Variants in VIRMA observed in about 807,000 individuals in gnomAD.
The protein encoded by VIRMA is protein virilizer homolog.
A neutral mutation model predicts 182.4 loss-of-function variants in VIRMA; 65 were observed. The ratio of observed to expected loss-of-function variants is 0.36; its 90% CI spans 0.29 to 0.44. The LOEUF (loss-of-function observed/expected upper bound fraction) is 0.44, where lower values mean the gene tolerates loss of function less well. VIRMA is among the 20% of genes least tolerant of loss of function. The pLI is 1.00. For synonymous variants in VIRMA, 709 were observed against 743.1 expected (o/e 0.95, Z 0.75); for missense variants, 1,752 against 2,158.1 (o/e 0.81, Z 3.73).
At chr8:94,552,733 C>T (rs1816040481) in intron 1 of VIRMA, among the ~76,000 whole-genome samples, 1 of 152,146 alleles carries the variant, frequency 6.6e-6, no homozygotes, top group Admixed American at 6.5e-5. Flanking sequence ...CCACAACATT[C>T]CACCTCCAAC....
chr8:94,508,571 G>A (rs546826111), intron 15 of VIRMA, among the ~76,000 whole-genome samples: 33 of 151,978 alleles, frequency 2.2e-4, no homozygotes, highest in African/African-American at 8.0e-4. Context: ...ATGCCACAGC[G>A]CTATTCAATG....
At chr8:94,553,003 C>G (rs979826141) in intron 1 of VIRMA, among the ~76,000 whole-genome samples, 3 of 152,160 alleles carry the variant, frequency 2.0e-5, no homozygotes, top group South Asian at 2.1e-4. Context: ...ACGAAGCCAA[C>G]GTAAACTGCT....
chr8:94,497,055 A>G (rs1234918784), intron 17 of VIRMA: 1 of 152,280 alleles, frequency 6.6e-6, no homozygotes, highest in Non-Finnish European at 1.5e-5. Flanking sequence ...CACTTATGGT[A>G]GAGGGCCGTA....
intron 1 of VIRMA, among the ~76,000 whole-genome samples, chr8:94,552,542 A>G (rs1364197733): frequency 6.6e-6 from 1 of 152,230 alleles, no homozygotes; most frequent in Non-Finnish European, 1.5e-5. Context: ...TTAAGCTTAC[A>G]TTAAGACAGA....
chr8:94,510,191 G>A (rs1174450342), intron 14 of VIRMA, among the ~76,000 whole-genome samples: 3 of 152,058 alleles, frequency 2.0e-5, no homozygotes, highest in Non-Finnish European at 4.4e-5. Context: ...CCCAAATCAA[G>A]ACCTTCAAGA....
chr8:94,491,927 T>C lies in VIRMA; in HGVS notation c.4809-18A>G. 1 of 1,492,632 alleles carries C rather than the reference T, an allele frequency of 6.7e-7. No individual in the cohort carries two copies. Among genetic ancestry groups the C allele is most frequent in the Non-Finnish European group, 9.0e-7 (1 of 1,114,094 alleles). The allele number at this position is 1,492,632 out of a possible 1,614,324, so 92.5% of individuals were successfully genotyped here. A position where few individuals can be genotyped will look rare whatever the true frequency, so the allele number is the denominator to read the frequency against. On this transcript the variant is annotated intron_variant, in intron 21 of 23. Coordinates refer to ENST00000297591, the MANE Select transcript of VIRMA (RefSeq NM_015496.5). The stretch of plus-strand genomic sequence containing the variant: ...ATTTTCCACTATTAAAACAAAAACA[T>C]GCCATAAAACATTTTTCTTTCAGGT...
At chr8:94,514,326 T>C (rs754604004) in intron 11 of VIRMA, among the ~76,000 whole-genome samples, 8 of 152,232 alleles carry the variant, frequency 5.3e-5, no homozygotes, top group East Asian at 1.9e-4. Flanking sequence ...TTTTTCATTA[T>C]GAATTATTTA....
Position 94,538,301 on chromosome 8 carries a change from A to C in VIRMA, c.225T>G (p.Asn75Lys). The C allele has an allele frequency of 6.2e-7, 1 of 1,613,532 alleles. No individual in the cohort carries two copies. Among genetic ancestry groups the C allele is most frequent in the Non-Finnish European group, 8.5e-7 (1 of 1,179,540 alleles). The change falls in exon 3 of 24, where the codon AAT becomes AAG. Residue 75 changes from asparagine to lysine, a missense_variant. Physicochemically the swap from Asn to Lys is moderately conservative, Grantham distance 94 (BLOSUM62 0). This residue lies in a region of VIRMA where 195 missense variants were observed against 191.7 expected (regional missense o/e 1.02). Coordinates refer to ENST00000297591, the MANE Select transcript of VIRMA (RefSeq NM_015496.5). ...AAACAGGGGCACTTGGTTTGCTTAC[A>C]TTGTTGAAGAATAAGTCTAATTGAA... ...HTFQLDLFFN[N>K]VSKPSAPVFD... is the part of the protein sequence containing the mutation.
intron 1 of VIRMA, 147 bp downstream of exon 1, chr8:94,553,238 G>C (rs1411347771): frequency 1.3e-6 from 1 of 779,808 alleles, no homozygotes; most frequent in Non-Finnish European, 2.2e-6. Context: ...CAGACGCGAT[G>C]CTCACACAGC....
chr8:94,544,574 T>C (rs1815693752), intron 1 of VIRMA, among the ~76,000 whole-genome samples: 1 of 143,414 alleles, frequency 7.0e-6, no homozygotes, highest in South Asian at 2.3e-4. Flanking sequence ...GGCAGGAGAA[T>C]GGCGTGAACC....
chr8:94,530,086 G>A (rs1220158817), intron 6 of VIRMA, among the ~76,000 whole-genome samples: 1 of 152,222 alleles, frequency 6.6e-6, no homozygotes, highest in East Asian at 1.9e-4. Context: ...ACCACACCCA[G>A]CCCAATACTA....
intron 22 of VIRMA, 78 bp downstream of exon 22, chr8:94,491,500 T>G: frequency 7.6e-7 from 1 of 1,308,218 alleles, no homozygotes; most frequent in Non-Finnish European, 1.1e-6. Context: ...CTGAATCTCT[T>G]CCATCTAAAT....
At chr8:94,492,923 A>G (rs761832622) in intron 20 of VIRMA, 105 bp from the exon 21 acceptor site, 42 of 953,622 alleles carry the variant, frequency 4.4e-5, no homozygotes, top group African/African-American at 6.7e-5. Context: ...GCCTCTCATA[A>G]GAAATAAATT....
chr8:94,488,519 G>A lies in VIRMA; in HGVS notation c.*187C>T, dbSNP rs906741197. On this transcript the variant is annotated 3_prime_UTR_variant, in exon 24 of 24. Coordinates refer to ENST00000297591, the MANE Select transcript of VIRMA (RefSeq NM_015496.5). ...CAAAAAAGGGAAAATATATACAAACGTACATACAAAGTTTGGATTTTTATT... is the reference window on the plus strand; with the variant it reads ...CAAAAAAGGGAAAATATATACAAACATACATACAAAGTTTGGATTTTTATT... 4.9e-5 allele frequency: 24 copies of A among 492,248 alleles called. No homozygotes were observed. Among genetic ancestry groups the A allele is most frequent in the Admixed American group, 6.8e-5 (2 of 29,266 alleles). The allele number at this position is 492,248 out of a possible 1,614,324, so 30.5% of individuals were successfully genotyped here.
chr8:94,495,587 T>C (rs934489646), intron 19 of VIRMA, 144 bp downstream of exon 19: 2 of 422,518 alleles, frequency 4.7e-6, no homozygotes, highest in Non-Finnish European at 8.2e-6. Flanking sequence ...TAAAGAAGAA[T>C]ACACAACAGA....
At chr8:94,506,926 G>A (rs1814171168) in intron 15 of VIRMA, among the ~76,000 whole-genome samples, 1 of 151,834 alleles carries the variant, frequency 6.6e-6, no homozygotes, top group Non-Finnish European at 1.5e-5. Context: ...ACACCTAAAG[G>A]AATAAATATT....
intron 2 of VIRMA, among the ~76,000 whole-genome samples, chr8:94,541,076 C>T (rs1284727180): frequency 6.6e-6 from 1 of 151,128 alleles, no homozygotes; most frequent in Non-Finnish European, 1.5e-5. Context: ...AAATATATAT[C>T]AAATGTTAAG....
At chr8:94,493,011 T>G (rs1051148302) in intron 20 of VIRMA, among the ~76,000 whole-genome samples, 193 bp from the exon 21 acceptor site, 2 of 152,212 alleles carry the variant, frequency 1.3e-5, no homozygotes, top group Non-Finnish European at 1.5e-5. Context: ...CACACCTTAG[T>G]AATGCTACTT....
At chr8:94,530,084 C>A (rs1815111009) in intron 6 of VIRMA, among the ~76,000 whole-genome samples, 1 of 152,156 alleles carries the variant, frequency 6.6e-6, no homozygotes, top group Non-Finnish European at 1.5e-5. Flanking sequence ...CCACCACACC[C>A]AGCCCAATAC....
Sources: gnomAD v4.1 joint callset for allele counts (sites outside exome capture counted in the v4.1 genomes callset) on GRCh38, gnomAD v4.1.1 for gene constraint, gnomAD v4.1.1 regional missense constraint, MANE v1.5 for transcripts, NCBI Gene and HGNC (gene_info 2026-07-23, HGNC 2026-07-21) for gene names.